Variants in AGAP1 observed in about 807,000 individuals in gnomAD.
AGAP1 encodes arf-GAP with GTPase, ANK repeat and PH domain-containing protein 1.
In AGAP1, 29 loss-of-function variants were observed where a neutral mutation model predicts 105.3. The observed-to-expected ratio is 0.28, with a 90% CI of 0.21 to 0.38. The LOEUF (loss-of-function observed/expected upper bound fraction) is 0.38. AGAP1 is among the 10% of genes least tolerant of loss of function. AGAP1 has a pLI of 1.00. For missense variants in AGAP1, 998 were observed against 1,165.1 expected (o/e 0.86, Z 2.09); for synonymous variants, 509 against 485.9 (o/e 1.05, Z -0.63).
intron 1 of AGAP1, among the ~76,000 whole-genome samples, chr2:235,501,029 GGGA>G (rs1236935948): frequency 6.6e-6 from 1 of 152,150 alleles, no homozygotes; most frequent in Non-Finnish European, 1.5e-5. Context: ...TGCTTTCCAT[GGGA>G]CAGGCTGGGG....
At chr2:235,590,692 C>T (rs76672551) in intron 1 of AGAP1, among the ~76,000 whole-genome samples, 3,984 of 72,394 alleles carry the variant, frequency 0.055, 260 homozygotes, top group African/African-American at 0.25. Context: ...TGTGCGTGTG[C>T]GTGTGTGTGT....
At chr2:235,746,565 T>G (rs925981090) in intron 5 of AGAP1, among the ~76,000 whole-genome samples, 2 of 151,586 alleles carry the variant, frequency 1.3e-5, no homozygotes, top group Non-Finnish European at 2.9e-5. Flanking sequence ...TTGGTTCTTG[T>G]GAGAATGCAG....
chr2:235,498,158 G>A (rs572889221), intron 1 of AGAP1, among the ~76,000 whole-genome samples: 1 of 152,138 alleles, frequency 6.6e-6, no homozygotes, highest in African/African-American at 2.4e-5. Context: ...GCCCACCAAG[G>A]CTCCCAAATA....
chr2:235,942,980 C>T (rs1206124248), intron 12 of AGAP1, among the ~76,000 whole-genome samples: 1 of 152,178 alleles, frequency 6.6e-6, no homozygotes, highest in Non-Finnish European at 1.5e-5. Context: ...ATAGTCCCAG[C>T]TACCCAAGAG....
intron 12 of AGAP1, among the ~76,000 whole-genome samples, chr2:235,945,852 G>A (rs2053473132): frequency 6.7e-6 from 1 of 149,806 alleles, no homozygotes; most frequent in South Asian, 2.2e-4. Context: ...TACCATCATG[G>A]CAGAAGGCAG....
At chr2:235,650,276 C>T (rs964324811) in intron 1 of AGAP1, among the ~76,000 whole-genome samples, 1 of 152,150 alleles carries the variant, frequency 6.6e-6, no homozygotes, top group Non-Finnish European at 1.5e-5. Flanking sequence ...CAGGAAAAAT[C>T]ACTTGAACTC....
intron 8 of AGAP1, among the ~76,000 whole-genome samples, chr2:235,804,977 G>A (rs1957765686): frequency 6.6e-6 from 1 of 152,188 alleles, no homozygotes; most frequent in South Asian, 2.1e-4. Context: ...GCAGAGAAAG[G>A]AAACCTTACT....
rs1009397259 is a variant in AGAP1 at position 235,737,790 on chromosome 2, C to T, written c.311-3173C>T. ...CGAGGGACACTGGCGTTGCAGGGCC[C>T]CTGGGACAGGCTCCACTCCTCCCTT... On this transcript the variant is annotated intron_variant, in intron 3 of 17. Coordinates refer to ENST00000304032, the MANE Select transcript of AGAP1 (RefSeq NM_001037131.3). This position sits in a 1 kb window ranked among gnomAD's most constrained non-coding sequence, Gnocchi z 4.5. Among the ~76,000 whole-genome samples, 4 of 152,054 alleles carry T rather than the reference C, an allele frequency of 2.6e-5. No individual in the cohort carries two copies. Among genetic ancestry groups the T allele is most frequent in the African/African-American group, 4.8e-5 (2 of 41,400 alleles).
chr2:235,572,341 G>C (rs970662669), intron 1 of AGAP1, among the ~76,000 whole-genome samples: 3 of 151,962 alleles, frequency 2.0e-5, no homozygotes, highest in Non-Finnish European at 4.4e-5. Flanking sequence ...TTGGCACCAG[G>C]CATGGGGTGG....
rs1391385298 is a variant in AGAP1, at chr2:235,893,618, C to G, written c.1155+10169C>G. Among the ~76,000 whole-genome samples, 1 of 152,084 alleles carries G rather than the reference C, an allele frequency of 6.6e-6. No homozygotes were observed. Among genetic ancestry groups the G allele is most frequent in the African/African-American group, 2.4e-5 (1 of 41,398 alleles). Reference sequence around the variant, plus strand: ...TGTGCCTTCATGGCCCTCCCTGATTCCCAGGCCCCATCTAGTGTACATCAT... The same window carrying G: ...TGTGCCTTCATGGCCCTCCCTGATTGCCAGGCCCCATCTAGTGTACATCAT... On this transcript the variant is annotated intron_variant, in intron 10 of 17. Coordinates refer to ENST00000304032, the MANE Select transcript of AGAP1 (RefSeq NM_001037131.3). This position sits in a 1 kb window ranked among gnomAD's most constrained non-coding sequence, Gnocchi z 4.7.
At chr2:235,778,382 TC>T (rs1312361209) in intron 6 of AGAP1, among the ~76,000 whole-genome samples, 2 of 152,190 alleles carry the variant, frequency 1.3e-5, no homozygotes, top group Non-Finnish European at 2.9e-5. Context: ...TCAGACAGCA[TC>T]TCTTTAGTGT....
In AGAP1 at chr2:236,101,593, G is replaced by A. The variant is rs550458216; in HGVS notation, c.2115-18599G>A. 4.6e-5 allele frequency among the ~76,000 whole-genome samples: 7 copies of A among 152,284 alleles called. 1 individual carries two copies. The South Asian group carries it at 6.2e-4, about 14-fold the overall frequency. ...TAAAGGGCGTCGGTGCACGTACAGC[G>A]AGGGCTTACATCCACTTTACGGGAT... On this transcript the variant is annotated intron_variant, in intron 16 of 17. Transcript: ENST00000304032. The surrounding 1 kb of genome is among the most constrained non-coding windows in gnomAD (Gnocchi z 4.9).
chr2:236,037,153 G>C (rs2057407459), intron 14 of AGAP1: 1 of 174,118 alleles, frequency 5.7e-6, no homozygotes, highest in South Asian at 1.3e-4. Context: ...ATGAAAAGTA[G>C]ATGGGTCTGT....
intron 13 of AGAP1, among the ~76,000 whole-genome samples, chr2:236,023,476 G>A (rs1037799156): frequency 1.2e-4 from 19 of 152,094 alleles, no homozygotes; most frequent in African/African-American, 4.3e-4. Context: ...TGTTAATAGG[G>A]GAAAAAGAAA....
intron 5 of AGAP1, among the ~76,000 whole-genome samples, chr2:235,749,613 G>A (rs966614891): frequency 6.6e-6 from 1 of 151,246 alleles, no homozygotes; most frequent in African/African-American, 2.4e-5. Flanking sequence ...CAGCTGTCCT[G>A]CTGCCCTCTG....
At chr2:235,948,245 C>G (rs34168749) in intron 12 of AGAP1, among the ~76,000 whole-genome samples, 4 of 151,420 alleles carry the variant, frequency 2.6e-5, no homozygotes, top group African/African-American at 9.8e-5. Context: ...TGCAGTGGCA[C>G]GATCTCAGCT....
rs1194846351 is a variant in AGAP1, at chr2:235,830,349, A to T, written c.1050+23018A>T. 6.6e-6 allele frequency among the ~76,000 whole-genome samples: 1 copy of T among 152,200 alleles called. No homozygotes were observed. The highest frequency in any genetic ancestry group is 1.5e-5 in the Non-Finnish European group (1 of 68,022). Reference sequence around the variant, plus strand: ...ATATTTTGCTCATGTCAGTGAGGAGATAGATGTGTGCTGTCACTTAGCAGT... The same window carrying T: ...ATATTTTGCTCATGTCAGTGAGGAGTTAGATGTGTGCTGTCACTTAGCAGT... On this transcript the variant is annotated intron_variant, in intron 9 of 17. Coordinates refer to ENST00000304032, the MANE Select transcript of AGAP1 (RefSeq NM_001037131.3). This position sits in a 1 kb window ranked among gnomAD's most constrained non-coding sequence, Gnocchi z 5.5.
chr2:236,108,106 T>C (rs2059546028), intron 16 of AGAP1, among the ~76,000 whole-genome samples: 1 of 152,234 alleles, frequency 6.6e-6, no homozygotes, highest in African/African-American at 2.4e-5. Flanking sequence ...AAATATCCAT[T>C]GGCCTTTGTG....
At chr2:235,528,752 C>T (rs1574773820) in intron 1 of AGAP1, among the ~76,000 whole-genome samples, 1 of 152,188 alleles carries the variant, frequency 6.6e-6, no homozygotes, top group Non-Finnish European at 1.5e-5. Flanking sequence ...TCTTGGCTCA[C>T]TGAAACCTCC....
Sources: allele counts gnomAD v4.1 joint callset (sites outside exome capture counted in the v4.1 genomes callset), GRCh38; gene constraint gnomAD v4.1.1; non-coding constraint Gnocchi (gnomAD v3.1); transcripts MANE v1.5; gene names NCBI Gene and HGNC (gene_info 2026-07-23, HGNC 2026-07-21).